Variants in NOTCH2 observed in about 807,000 individuals in gnomAD.
The protein encoded by NOTCH2 is notch receptor 2.
Under a neutral mutation model 235.8 loss-of-function variants are expected in NOTCH2, and 29 were observed. That is an observed-to-expected ratio of 0.12 (90% CI 0.09 to 0.17). NOTCH2 has a LOEUF of 0.17. NOTCH2 is among the 10% of genes least tolerant of loss of function. The probability of loss-of-function intolerance (pLI) is 1.00; values close to 1 mark genes in which losing one functional copy is unlikely to be tolerated. For missense variants in NOTCH2, 2,285 were observed against 3,150.2 expected (o/e 0.73, Z 6.57); for synonymous variants, 1,086 against 1,141.5 (o/e 0.95, Z 0.98).
chr1:120,029,227 T>C (rs1653996050), intron 2 of NOTCH2, among the ~76,000 whole-genome samples: 1 of 150,274 alleles, frequency 6.7e-6, no homozygotes, highest in Non-Finnish European at 1.5e-5. Context: ...GGGCCGAATA[T>C]TAAAGTTGAT....
intron 2 of NOTCH2, among the ~76,000 whole-genome samples, chr1:120,015,282 C>A (rs1653393821): frequency 6.6e-6 from 1 of 152,204 alleles, no homozygotes; most frequent in South Asian, 2.1e-4. Context: ...TGCTTTCAAC[C>A]CACTTTCTTC....
At chr1:119,924,684 G>C (rs926044295) in intron 25 of NOTCH2, among the ~76,000 whole-genome samples, 3 of 152,162 alleles carry the variant, frequency 2.0e-5, no homozygotes, top group African/African-American at 7.2e-5. Context: ...CAGAAGATTA[G>C]GAGTCAAAGA....
chr1:119,940,784 T>C (rs367765649), intron 18 of NOTCH2, 28 bp from the exon 19 acceptor site: 1 of 1,593,042 alleles, frequency 6.3e-7, no homozygotes, highest in Non-Finnish European at 8.6e-7. Flanking sequence ...CAACATCAGC[T>C]ATGTATCTGG....
At chr1:119,967,676 G>A (rs1651195434) in intron 7 of NOTCH2, 55 bp from the exon 8 acceptor site, 2 of 1,480,172 alleles carry the variant, frequency 1.4e-6, no homozygotes, top group South Asian at 2.3e-5. Context: ...TTCCACAAAT[G>A]TGAACAATAG....
intron 10 of NOTCH2, 128 bp downstream of exon 10, chr1:119,965,325 C>T: frequency 2.4e-6 from 2 of 822,554 alleles, no homozygotes; most frequent in Admixed American, 1.7e-5. Flanking sequence ...AGAAACAGCT[C>T]TTCCTAAACA....
Position 119,919,397 on chromosome 1 carries a change from G to A in NOTCH2, c.5696C>T (p.Ala1899Val), listed in dbSNP as rs2101149651. 2 of 1,613,756 alleles carry A rather than the reference G, an allele frequency of 1.2e-6. No individual in the cohort carries two copies. The highest frequency in any genetic ancestry group is 2.2e-5 in the East Asian group (1 of 44,890). ...GTCCTGGGCATTGGCATCTGCACCT[G>A]CATCCAGGAGACGCTTGGCAGCATC... is the stretch of plus-strand genomic sequence containing the variant. ...RADAAKRLLD[A>V]GADANAQDNM... Residue 1899 changes from alanine to valine, a missense_variant, in exon 31 of 34, where the codon GCA (alanine) becomes GTA (valine). Physicochemically the swap from Ala to Val is moderately conservative, Grantham distance 64. Transcript: ENST00000256646.
At chr1:119,966,834 A>G (rs1651156818) in intron 8 of NOTCH2, among the ~76,000 whole-genome samples, 1 of 152,218 alleles carries the variant, frequency 6.6e-6, no homozygotes, top group South Asian at 2.1e-4. Flanking sequence ...CCTAAAGACA[A>G]GCTGAGCTGG....
intron 20 of NOTCH2, 30 bp from the exon 21 acceptor site, chr1:119,937,496 T>C (rs375009757): frequency 5.0e-6 from 8 of 1,600,032 alleles, no homozygotes; most frequent in Non-Finnish European, 6.8e-6. Context: ...AGAAATGTCA[T>C]AGAAGAACAT....
At chr1:120,006,160 C>G (rs1452510393) in intron 2 of NOTCH2, among the ~76,000 whole-genome samples, 2 of 151,910 alleles carry the variant, frequency 1.3e-5, no homozygotes, top group African/African-American at 4.8e-5. Flanking sequence ...ACCTAGTTTT[C>G]TGGGTTATGT....
intron 2 of NOTCH2, among the ~76,000 whole-genome samples, chr1:120,028,745 T>C (rs1553210451): frequency 7.3e-6 from 1 of 136,116 alleles, no homozygotes; most frequent in African/African-American, 2.9e-5. Flanking sequence ...AAATGCTTAC[T>C]AAGCAAGTAC....
chr1:119,931,248 A>T (rs1012388426), intron 22 of NOTCH2, among the ~76,000 whole-genome samples: 1 of 152,182 alleles, frequency 6.6e-6, no homozygotes. Flanking sequence ...CCAAATTACC[A>T]AAGATAAAAT....
At chr1:120,014,951 C>A (rs1430604502) in intron 2 of NOTCH2, among the ~76,000 whole-genome samples, 1 of 139,698 alleles carries the variant, frequency 7.2e-6, no homozygotes, top group Non-Finnish European at 1.5e-5. Flanking sequence ...CAGGGTGAGG[C>A]CAAATTGCAT....
intron 28 of NOTCH2, 45 bp from the exon 29 acceptor site, chr1:119,921,854 C>G (rs763510262): frequency 1.3e-6 from 2 of 1,486,638 alleles, no homozygotes; most frequent in East Asian, 4.5e-5. Context: ...CAGTCATAAA[C>G]TAATACAGTG....
intron 1 of NOTCH2, among the ~76,000 whole-genome samples, chr1:120,032,338 T>A (rs1654125756): frequency 7.4e-6 from 1 of 134,444 alleles, no homozygotes; most frequent in African/African-American, 3.2e-5. Context: ...GAGTACATAA[T>A]GACCCAGCCA....
Position 119,923,727 on chromosome 1 carries a change from T to TA in NOTCH2, c.4768dup (p.Tyr1590LeufsTer6). 6.2e-7 allele frequency: 1 copy of TA among 1,614,148 alleles called. No homozygotes were observed. The highest frequency in any genetic ancestry group is 8.5e-7 in the Non-Finnish European group (1 of 1,179,976). Reference sequence around the variant, plus strand: ...AGCTGACTTCTCACCATAATAGGGGTACACCATGAGTTCCCCCTGGGAGTC... The same window carrying TA: ...AGCTGACTTCTCACCATAATAGGGGTAACACCATGAGTTCCCCCTGGGAGTC... On this transcript the variant is annotated frameshift_variant, in exon 26 of 34. Transcript: ENST00000256646. LOFTEE classifies it high-confidence loss of function.
At position 119,959,385 on chromosome 1, in the gene NOTCH2, G is replaced by C; in HGVS notation, c.2026+7C>G. 1.3e-6 allele frequency: 2 copies of C among 1,516,246 alleles called. No individual in the cohort carries two copies. The highest frequency in any genetic ancestry group is 1.7e-4 in the Middle Eastern group (1 of 5,862). 93.9% of individuals were successfully genotyped at this position (1,516,246 alleles called of 1,614,324 possible). A position where few individuals can be genotyped will look rare whatever the true frequency, so the allele number is the denominator to read the frequency against. ...AAGGAGGGGCCTTGCAGTAAAAGGA[G>C]CTTTACCTGTGAATCCTGGTGAGCA... On this transcript the variant is annotated splice_region_variant and intron_variant, in intron 12 of 33. Transcript: ENST00000256646.
At chr1:119,946,164 T>TTA (rs1260258727) in intron 17 of NOTCH2, among the ~76,000 whole-genome samples, 1 of 152,130 alleles carries the variant, frequency 6.6e-6, no homozygotes, top group Non-Finnish European at 1.5e-5. Flanking sequence ...CATATGGCAC[T>TTA]TATATGTATT....
chr1:119,942,813 T>A (rs1056237705), intron 17 of NOTCH2, among the ~76,000 whole-genome samples: 2 of 152,154 alleles, frequency 1.3e-5, no homozygotes, highest in Non-Finnish European at 2.9e-5. Flanking sequence ...CTCCATCAAT[T>A]GTGCCTTGGA....
chr1:120,061,399 G>A (rs199533118), intron 1 of NOTCH2, among the ~76,000 whole-genome samples: 8 of 140,998 alleles, frequency 5.7e-5, no homozygotes, highest in African/African-American at 1.8e-4. Context: ...ATTTTAAAAC[G>A]TGCCTGCCTC....
Sources: allele counts gnomAD v4.1 joint callset (sites outside exome capture counted in the v4.1 genomes callset), GRCh38; gene constraint gnomAD v4.1.1; transcripts MANE v1.5; gene names NCBI Gene and HGNC (gene_info 2026-07-23, HGNC 2026-07-21).